The following GCNT2 variants were observed in gnomAD, a reference collection of about 807,000 sequenced individuals.
The protein encoded by GCNT2 is glucosaminyl (N-acetyl) transferase 2 (I blood group), also known as N-acetyllactosaminide beta-1,6-N-acetylglucosaminyl-transferase.
A neutral mutation model predicts 34.2 loss-of-function variants in GCNT2; 34 were observed. The ratio of observed to expected loss-of-function variants is 1.00; its 90% CI spans 0.76 to 1.32. The LOEUF (loss-of-function observed/expected upper bound fraction) is 1.32. GCNT2 is among the 40% of genes most tolerant of loss of function. The pLI is 0.00. For missense variants in GCNT2, 584 were observed against 489.4 expected (o/e 1.19, Z -1.82); for synonymous variants, 212 against 188.0 (o/e 1.13, Z -1.04).
intron 3 of GCNT2, chr6:10,586,011 T>C: frequency 6.2e-7 from 1 of 1,614,114 alleles, no homozygotes; most frequent in South Asian, 1.1e-5. Flanking sequence ...GAGGTACTGC[T>C]TTTTTGCTTT....
At chr6:10,574,775 C>T in intron 3 of GCNT2, 1 of 594,628 alleles carries the variant, frequency 1.7e-6, no homozygotes, top group East Asian at 3.5e-5. Flanking sequence ...GGAAGAGGTT[C>T]CAGCAGCTCA....
At chr6:10,531,892 T>TTTTG (rs5874279) in intron 3 of GCNT2, among the ~76,000 whole-genome samples, 12 of 151,732 alleles carry the variant, frequency 7.9e-5, no homozygotes, top group Middle Eastern at 3.4e-3. Context: ...TTTTTTTTTT[T>TTTTG]TTAGAGAAGA....
At chr6:10,521,991 C>T (rs767721138) in intron 1 of GCNT2, among the ~76,000 whole-genome samples, 1 of 151,870 alleles carries the variant, frequency 6.6e-6, no homozygotes, top group African/African-American at 2.4e-5. Flanking sequence ...CCCCCACCTC[C>T]TGGGTCCTGC....
chr6:10,587,553 T>C (rs750616537), intron 3 of GCNT2, among the ~76,000 whole-genome samples: 4 of 152,196 alleles, frequency 2.6e-5, no homozygotes, highest in Non-Finnish European at 5.9e-5. Context: ...CTACAGATGA[T>C]CCAAAGAGAA....
At chr6:10,609,430 T>A (rs148303842) in intron 3 of GCNT2, among the ~76,000 whole-genome samples, 3 of 152,220 alleles carry the variant, frequency 2.0e-5, no homozygotes, top group African/African-American at 7.2e-5. Flanking sequence ...ATAATGACAT[T>A]AGTCCATTCA....
Position 10,550,128 on chromosome 6 carries a change from A to G in GCNT2, c.925+20292A>G, listed in dbSNP as rs187527400. On this transcript the variant is annotated intron_variant, in intron 3 of 4. Transcript: ENST00000495262. ...GGGTGCAGTGGCGCAATCTGGGCTCACTGAAACCTCTGCTTCCCGGGTTCA... is the reference window on the plus strand; with the variant it reads ...GGGTGCAGTGGCGCAATCTGGGCTCGCTGAAACCTCTGCTTCCCGGGTTCA... Among the ~76,000 whole-genome samples the G allele has an allele frequency of 6.2e-3, 941 of 152,258 alleles. 15 individuals are homozygous for G. Among genetic ancestry groups the G allele is most frequent in the African/African-American group, 0.021 (891 of 41,544 alleles).
At chr6:10,536,496 A>C (rs1761759517) in intron 3 of GCNT2, among the ~76,000 whole-genome samples, 4 of 151,390 alleles carry the variant, frequency 2.6e-5, no homozygotes, top group Admixed American at 2.0e-4. Context: ...CTGGGACTAC[A>C]GGCGCCCACC....
At position 10,584,807 on chromosome 6, in the gene GCNT2, G is replaced by C. The variant is rs539223937; in HGVS notation, c.926-36544G>C. ...GCACAAGGTTGGGACAAAAGTTACA[G>C]ATTAACAGCATCTCAAAGCAGAACA... On this transcript the variant is annotated intron_variant, in intron 3 of 4. Transcript: ENST00000495262. Among the ~76,000 whole-genome samples, 6 of 152,324 alleles carry C rather than the reference G, an allele frequency of 3.9e-5. No homozygotes were observed. In the East Asian group the frequency reaches 1.2e-3, roughly 29 times the overall value.
chr6:10,600,999 C>T (rs1765067801), intron 3 of GCNT2, among the ~76,000 whole-genome samples: 1 of 152,080 alleles, frequency 6.6e-6, no homozygotes, highest in Admixed American at 6.6e-5. Flanking sequence ...GCCATTTTGC[C>T]CAGGCTGGTC....
At chr6:10,584,427 G>A (rs570014012) in intron 3 of GCNT2, among the ~76,000 whole-genome samples, 40 of 152,176 alleles carry the variant, frequency 2.6e-4, no homozygotes, top group Middle Eastern at 3.4e-3. Context: ...AGGGACGTGC[G>A]GGAGACAGAC....
intron 3 of GCNT2, among the ~76,000 whole-genome samples, chr6:10,538,211 C>T (rs951196144): frequency 2.0e-5 from 3 of 151,416 alleles, no homozygotes; most frequent in African/African-American, 4.9e-5. Flanking sequence ...AGTTCGAGAC[C>T]AGCCTGGCCA....
Position 10,529,315 on chromosome 6 carries a change from C to A in GCNT2, c.404C>A (p.Ala135Asp). 6.8e-6 allele frequency: 11 copies of A among 1,614,040 alleles called. No individual in the cohort carries two copies. The highest frequency in any genetic ancestry group is 9.3e-6 in the Non-Finnish European group (11 of 1,180,002). Residue 135 changes from alanine to aspartate, a missense_variant, in exon 3 of 5, where the codon GCC becomes GAC. Physicochemically the swap from Ala to Asp is moderately radical, Grantham distance 126. Coordinates refer to ENST00000495262, the MANE Select transcript of GCNT2 (RefSeq NM_145649.5). ...CACCTGGATCAGAAGGCGACGGATG[C>A]CTTTAAAGGTGCAGTGAAACAGTTA... ...CVHLDQKATD[A>D]FKGAVKQLLS...
intron 3 of GCNT2, among the ~76,000 whole-genome samples, chr6:10,595,649 C>A (rs1278923112): frequency 2.0e-5 from 3 of 151,964 alleles, no homozygotes; most frequent in African/African-American, 7.3e-5. Context: ...AATATAATTT[C>A]TTGGGAAAGG....
chr6:10,626,574 T>C lies in GCNT2; in HGVS notation c.1176T>C (p.Ser392=). 6.2e-7 allele frequency: 1 copy of C among 1,613,810 alleles called. No homozygotes were observed. The highest frequency in any genetic ancestry group is 8.5e-7 in the Non-Finnish European group (1 of 1,179,814). ...ATCGCGAAAGAACCCTCAATCAGAG[T>C]GAAACTGCGATACAACCCAGCTGGT... ...LRHRERTLNQ[S]ETAIQPSWYF Residue 392 remains serine, a synonymous_variant, in exon 5 of 5, where the codon AGT becomes AGC. Transcript: ENST00000495262.
intron 3 of GCNT2, among the ~76,000 whole-genome samples, chr6:10,547,081 A>G (rs1762305502): frequency 6.6e-6 from 1 of 152,238 alleles, no homozygotes; most frequent in Admixed American, 6.5e-5. Flanking sequence ...TAACAAGAAT[A>G]GTATAAAGAG....
chr6:10,536,740 G>C (rs535944991), intron 3 of GCNT2, among the ~76,000 whole-genome samples: 1 of 143,650 alleles, frequency 7.0e-6, no homozygotes, highest in Non-Finnish European at 1.5e-5. Context: ...GTCTCACTCT[G>C]TCACCCAGGC....
intron 3 of GCNT2, chr6:10,585,608 A>T (rs756336310): frequency 6.9e-5 from 21 of 304,454 alleles, no homozygotes; most frequent in Middle Eastern, 2.2e-3. Flanking sequence ...AGGGTGAAGC[A>T]AGAGAAACTC....
At chr6:10,605,557 C>G (rs1765272357) in intron 3 of GCNT2, among the ~76,000 whole-genome samples, 1 of 151,950 alleles carries the variant, frequency 6.6e-6, no homozygotes. Context: ...CCACCTCCAC[C>G]CAGGTATTCA....
Position 10,529,990 on chromosome 6 carries a change from A to G in GCNT2, c.925+154A>G, listed in dbSNP as rs573740465. On this transcript the variant is annotated intron_variant, in intron 3 of 4. Transcript: ENST00000495262. ...AAAATTTCATCTGTAAAATGGTAAA[A>G]TGGAGATGTGTTATATCACCCACTC... 7.5e-6 allele frequency: 5 copies of G among 667,634 alleles called. No individual in the cohort carries two copies. The South Asian group carries it at 9.2e-5, about 12-fold the overall frequency. The allele number at this position is 667,634 out of a possible 1,614,324, so 41.4% of individuals were successfully genotyped here. A position where few individuals can be genotyped will look rare whatever the true frequency, so the allele number is the denominator to read the frequency against.
Sources: allele counts gnomAD v4.1 joint callset (sites outside exome capture counted in the v4.1 genomes callset), GRCh38; gene constraint gnomAD v4.1.1; transcripts MANE v1.5; gene names NCBI Gene and HGNC (gene_info 2026-07-23, HGNC 2026-07-21).